Variants in PLPPR1 observed in about 807,000 individuals in gnomAD.
The protein encoded by PLPPR1 is phospholipid phosphatase-related protein type 1.
In PLPPR1, 10 loss-of-function variants were observed where a neutral mutation model predicts 33.1. The observed-to-expected ratio is 0.30, with a 90% CI of 0.19 to 0.51. PLPPR1 has a LOEUF of 0.51. Among genes scored for constraint, PLPPR1 ranks in the 20% least tolerant of loss-of-function variants. The pLI, the probability that PLPPR1 is intolerant of heterozygous loss-of-function variation, is 0.97. For synonymous variants in PLPPR1, 151 were observed against 151.0 expected (o/e 1.00, Z 0.00); for missense variants, 304 against 408.1 (o/e 0.74, Z 2.20).
At chr9:101,261,512 C>T (rs1366884241) in intron 2 of PLPPR1, among the ~76,000 whole-genome samples, 1 of 152,010 alleles carries the variant, frequency 6.6e-6, no homozygotes, top group Non-Finnish European at 1.5e-5. Flanking sequence ...ATTTGAAGTC[C>T]CTCAGTTTTC....
At chr9:101,036,044 G>A (rs1457730201) in intron 1 of PLPPR1, among the ~76,000 whole-genome samples, 2 of 152,134 alleles carry the variant, frequency 1.3e-5, no homozygotes, top group East Asian at 1.9e-4. Context: ...TTTTGATACT[G>A]TGTGTGTTCA....
chr9:101,127,479 T>A (rs1323328231), intron 1 of PLPPR1, among the ~76,000 whole-genome samples: 2 of 152,182 alleles, frequency 1.3e-5, no homozygotes, highest in African/African-American at 4.8e-5. Flanking sequence ...ATGTGGAGGT[T>A]GAAAAGGCAC....
intron 1 of PLPPR1, among the ~76,000 whole-genome samples, chr9:101,032,600 G>A (rs911798034): frequency 6.6e-6 from 1 of 152,018 alleles, no homozygotes; most frequent in Non-Finnish European, 1.5e-5. Context: ...ATGGAGTAGG[G>A]ACCCAATAAA....
chr9:101,119,019 G>C (rs1389338810), intron 1 of PLPPR1, among the ~76,000 whole-genome samples: 1 of 152,154 alleles, frequency 6.6e-6, no homozygotes, highest in East Asian at 1.9e-4. Context: ...TTGGGGCTCA[G>C]AGAGTAAGTT....
rs117928384 is a variant in PLPPR1 at position 101,202,200 on chromosome 9, A to G, written c.63+16643A>G. Among the ~76,000 whole-genome samples the G allele has an allele frequency of 2.0e-3, 312 of 152,324 alleles. 1 individual carries two copies. Among genetic ancestry groups the G allele is most frequent in the Non-Finnish European group, 3.5e-3 (239 of 68,026 alleles). Reference sequence around the variant, plus strand: ...TTCTGTGACACATGCTTCCAAGGAAAATTAAGACCTTGGTTGGTTGTTTAA... The same window carrying G: ...TTCTGTGACACATGCTTCCAAGGAAGATTAAGACCTTGGTTGGTTGTTTAA... On this transcript the variant is annotated intron_variant, in intron 2 of 7. Transcript: ENST00000374874.
At chr9:101,178,643 C>T (rs1332320826) in intron 1 of PLPPR1, among the ~76,000 whole-genome samples, 1 of 152,160 alleles carries the variant, frequency 6.6e-6, no homozygotes, top group Non-Finnish European at 1.5e-5. Flanking sequence ...CATCCTGAAG[C>T]AGCTAGAATG....
At chr9:101,316,522 G>A (rs975702354) in intron 6 of PLPPR1, among the ~76,000 whole-genome samples, 16 of 151,536 alleles carry the variant, frequency 1.1e-4, no homozygotes, top group African/African-American at 3.9e-4. Flanking sequence ...ATGTGCTACA[G>A]GGTTTGAAGA....
At chr9:101,180,099 TA>T (rs1826077181) in intron 1 of PLPPR1, among the ~76,000 whole-genome samples, 4 of 7,542 alleles carry the variant, frequency 5.3e-4, no homozygotes, top group Non-Finnish European at 9.1e-4. Flanking sequence ...CTCCTTTATA[TA>T]TATATATATA....
intron 1 of PLPPR1, among the ~76,000 whole-genome samples, chr9:101,156,715 G>A (rs1215743657): frequency 6.6e-6 from 1 of 152,118 alleles, no homozygotes; most frequent in African/African-American, 2.4e-5. Flanking sequence ...TTGGGAATCA[G>A]AGAAAGGGAA....
chr9:101,324,164 C>G lies in PLPPR1; in HGVS notation c.*107C>G, dbSNP rs1829208183. ...CTGTGATGACAAATATTACGTTTAT[C>G]TAGTTAGAAGCTAATGTTTTGTACA... On this transcript the variant is annotated 3_prime_UTR_variant, in exon 8 of 8. Transcript: ENST00000374874. 1.1e-6 allele frequency: 1 copy of G among 903,678 alleles called. No homozygotes were observed. The highest frequency in any genetic ancestry group is 1.6e-5 in the African/African-American group (1 of 60,658). 56.0% of individuals were successfully genotyped at this position (903,678 alleles called of 1,614,324 possible). A position where few individuals can be genotyped will look rare whatever the true frequency, so the allele number is the denominator to read the frequency against.
chr9:101,318,262 T>A (rs1401196893), intron 7 of PLPPR1, among the ~76,000 whole-genome samples: 1 of 151,712 alleles, frequency 6.6e-6, no homozygotes, highest in Non-Finnish European at 1.5e-5. Flanking sequence ...CAAAGTGCTG[T>A]ATGAATACAA....
At chr9:101,238,417 A>G (rs1021462097) in intron 2 of PLPPR1, among the ~76,000 whole-genome samples, 2 of 148,668 alleles carry the variant, frequency 1.3e-5, no homozygotes, top group Non-Finnish European at 3.0e-5. Flanking sequence ...GTGTGTATAT[A>G]TATATATGCA....
intron 2 of PLPPR1, among the ~76,000 whole-genome samples, chr9:101,267,886 G>C (rs1828025512): frequency 6.6e-6 from 1 of 152,016 alleles, no homozygotes; most frequent in South Asian, 2.1e-4. Flanking sequence ...CTTCTGTCTG[G>C]TTTTGTTTTG....
chr9:101,161,694 AAG>A (rs891014923), intron 1 of PLPPR1, among the ~76,000 whole-genome samples: 2 of 152,066 alleles, frequency 1.3e-5, no homozygotes, highest in African/African-American at 4.8e-5. Flanking sequence ...ATAAAGACAA[AAG>A]AGTGTCTTAT....
chr9:101,292,574 C>G lies in PLPPR1; in HGVS notation c.385+6338C>G, dbSNP rs1258911225. On this transcript the variant is annotated intron_variant, in intron 4 of 7. Coordinates refer to ENST00000374874, the MANE Select transcript of PLPPR1 (RefSeq NM_207299.2). ...GGGTAACCCACAAAGGGAAGCCCAT[C>G]AGACTAACAGCGGATCTCTTGGCAG... 2.9e-5 allele frequency among the ~76,000 whole-genome samples: 4 copies of G among 137,938 alleles called. No homozygotes were observed. The East Asian group carries it at 8.5e-4, about 29-fold the overall frequency. 90.5% of individuals were successfully genotyped at this position (137,938 alleles called of 152,430 possible). A position where few individuals can be genotyped will look rare whatever the true frequency, so the allele number is the denominator to read the frequency against.
intron 1 of PLPPR1, among the ~76,000 whole-genome samples, chr9:101,127,719 C>A (rs1369508082): frequency 6.6e-6 from 1 of 152,148 alleles, no homozygotes; most frequent in Non-Finnish European, 1.5e-5. Context: ...CGTAGCCCTC[C>A]ACCCTTTAGC....
Position 101,061,366 on chromosome 9 carries a change from G to T in PLPPR1, c.-46+32264G>T, listed in dbSNP as rs143086085. Among the ~76,000 whole-genome samples, 53 of 151,970 alleles carry T rather than the reference G, an allele frequency of 3.5e-4. 1 individual carries two copies. The highest frequency in any genetic ancestry group is 1.3e-3 in the African/African-American group (52 of 41,496). ...AAACATGTTAATTAAGATATAACTTGCAAAATGCTCTGCAGTTTGTGTGTG... is the reference window on the plus strand; with the variant it reads ...AAACATGTTAATTAAGATATAACTTTCAAAATGCTCTGCAGTTTGTGTGTG... On this transcript the variant is annotated intron_variant, in intron 1 of 7. Transcript: ENST00000374874.
intron 1 of PLPPR1, among the ~76,000 whole-genome samples, chr9:101,058,645 C>T (rs1049964485): frequency 4.6e-5 from 7 of 152,114 alleles, no homozygotes; most frequent in Admixed American, 4.6e-4. Context: ...CCCAGGATAG[C>T]ATAACATTTA....
chr9:101,310,978 A>AT (rs530913316), intron 5 of PLPPR1, among the ~76,000 whole-genome samples: 3 of 152,096 alleles, frequency 2.0e-5, no homozygotes, highest in Admixed American at 6.5e-5. Context: ...CTATGCAGGT[A>AT]TTTTTTTTAA....
Sources: gnomAD v4.1 joint callset for allele counts (sites outside exome capture counted in the v4.1 genomes callset) on GRCh38, gnomAD v4.1.1 for gene constraint, MANE v1.5 for transcripts, NCBI Gene and HGNC (gene_info 2026-07-23, HGNC 2026-07-21) for gene names.